The following CCSER1 variants were observed in gnomAD, a reference collection of about 807,000 sequenced individuals.
CCSER1 encodes serine-rich coiled-coil domain-containing protein 1.
Under a neutral mutation model 82.0 loss-of-function variants are expected in CCSER1, and 41 were observed. The ratio of observed to expected loss-of-function variants is 0.50; its 90% CI spans 0.39 to 0.65. The LOEUF is 0.65. Among genes scored for constraint, CCSER1 ranks in the 30% least tolerant of loss-of-function variants. The pLI is 0.00. For synonymous variants in CCSER1, 414 were observed against 383.9 expected, an observed-to-expected ratio of 1.08 and a Z score of -0.92; for missense variants, 1,119 against 1,064.2, an observed-to-expected ratio of 1.05 and a Z score of -0.72.
Position 91,456,795 on chromosome 4 carries a change from A to G in CCSER1, c.2218-141777A>G, listed in dbSNP as rs1044021795. Among the ~76,000 whole-genome samples the G allele has an allele frequency of 1.6e-4, 24 of 152,246 alleles. 1 individual carries two copies. The highest frequency in any genetic ancestry group is 5.5e-4 in the African/African-American group (23 of 41,564). ...AAGTTGGTCAGGAACCAGACCCACT[A>G]AAATACTAATACTGATATTTTTATT... On this transcript the variant is annotated intron_variant, in intron 10 of 10. Coordinates refer to ENST00000509176, the MANE Select transcript of CCSER1 (RefSeq NM_001145065.2).
intron 8 of CCSER1, among the ~76,000 whole-genome samples, chr4:90,883,763 T>C (rs1413289353): frequency 6.6e-6 from 1 of 152,184 alleles, no homozygotes; most frequent in Non-Finnish European, 1.5e-5. Flanking sequence ...TTGAAGCCAC[T>C]TCCTCTTTCA....
At chr4:90,192,233 G>C (rs777375934) in intron 1 of CCSER1, among the ~76,000 whole-genome samples, 12 of 151,880 alleles carry the variant, frequency 7.9e-5, no homozygotes, top group Non-Finnish European at 1.3e-4. Flanking sequence ...CCCCCTTACA[G>C]TAGCCATCAG....
chr4:91,594,631 C>T (rs1764471067), intron 10 of CCSER1, among the ~76,000 whole-genome samples: 1 of 151,816 alleles, frequency 6.6e-6, no homozygotes, highest in South Asian at 2.1e-4. Context: ...AAACATGTAG[C>T]ATAAAATAAA....
intron 6 of CCSER1, among the ~76,000 whole-genome samples, chr4:90,686,622 T>C (rs1362669017): frequency 6.6e-6 from 1 of 152,116 alleles, no homozygotes; most frequent in Admixed American, 6.6e-5. Flanking sequence ...AGCTTTAGCC[T>C]AAGCATAACT....
intron 10 of CCSER1, among the ~76,000 whole-genome samples, chr4:91,249,632 C>A (rs1581841937): frequency 6.6e-6 from 1 of 152,232 alleles, no homozygotes; most frequent in East Asian, 1.9e-4. Flanking sequence ...GTCTAGAAAT[C>A]TCTTCTTTTC....
chr4:90,755,266 TGCCA>T (rs1749319327), intron 7 of CCSER1, among the ~76,000 whole-genome samples: 1 of 152,132 alleles, frequency 6.6e-6, no homozygotes, highest in South Asian at 2.1e-4. Context: ...TAAGAGTCAG[TGCCA>T]GATATATGTG....
At chr4:90,486,166 C>T (rs1767018809) in intron 5 of CCSER1, among the ~76,000 whole-genome samples, 1 of 152,140 alleles carries the variant, frequency 6.6e-6, no homozygotes, top group Admixed American at 6.5e-5. Context: ...TACAGTGGTC[C>T]CCACTCCCAC....
chr4:90,489,795 G>C (rs946515126), intron 5 of CCSER1, among the ~76,000 whole-genome samples: 16 of 152,096 alleles, frequency 1.1e-4, no homozygotes, highest in Non-Finnish European at 1.5e-5. Flanking sequence ...CCTTGCGATA[G>C]TTTGCTGAGA....
intron 10 of CCSER1, among the ~76,000 whole-genome samples, chr4:91,094,397 T>C (rs1724287659): frequency 6.6e-6 from 1 of 152,142 alleles, no homozygotes; most frequent in Non-Finnish European, 1.5e-5. Context: ...GAACCAGCTG[T>C]CCTCAGCTGG....
chr4:90,132,077 C>CAT, intron 1 of CCSER1, among the ~76,000 whole-genome samples: 1 of 152,038 alleles, frequency 6.6e-6, no homozygotes, highest in East Asian at 1.9e-4. Context: ...AAAATATTTT[C>CAT]ATATATATAT....
chr4:90,691,526 T>G lies in CCSER1; in HGVS notation c.1933-32388T>G, dbSNP rs1476419940. Among the ~76,000 whole-genome samples the G allele has an allele frequency of 1.3e-4, 20 of 149,930 alleles. No homozygotes were observed. In the Admixed American group the frequency reaches 1.3e-3, roughly 10 times the overall value. On this transcript the variant is annotated intron_variant, in intron 6 of 10. Transcript: ENST00000509176. ...TGTGTATATATTACATGTGTACATA[T>G]CACACGTATAATACATGTGTACATA...
intron 10 of CCSER1, among the ~76,000 whole-genome samples, chr4:91,205,278 T>C (rs1736245522): frequency 6.6e-6 from 1 of 151,862 alleles, no homozygotes; most frequent in African/African-American, 2.4e-5. Context: ...ATTTAAGCTG[T>C]GTACTGTCTA....
intron 10 of CCSER1, among the ~76,000 whole-genome samples, chr4:91,498,922 C>G (rs984391584): frequency 6.6e-6 from 1 of 151,748 alleles, no homozygotes; most frequent in African/African-American, 2.4e-5. Context: ...TGTACAATAT[C>G]CATTGTACAT....
chr4:91,582,745 C>A (rs1763793581), intron 10 of CCSER1, among the ~76,000 whole-genome samples: 1 of 151,232 alleles, frequency 6.6e-6, no homozygotes, highest in Non-Finnish European at 1.5e-5. Flanking sequence ...ATCAATCAAT[C>A]TATCATCTCT....
chr4:90,435,364 AAAAAT>A (rs1758859640), intron 4 of CCSER1, among the ~76,000 whole-genome samples: 1 of 152,170 alleles, frequency 6.6e-6, no homozygotes, highest in Non-Finnish European at 1.5e-5. Context: ...TTAGTAAAAT[AAAAAT>A]AAAAGAAACA....
intron 5 of CCSER1, among the ~76,000 whole-genome samples, chr4:90,598,302 G>C (rs910567841): frequency 2.0e-5 from 3 of 151,584 alleles, no homozygotes; most frequent in African/African-American, 7.3e-5. Context: ...AAGTTTTAGG[G>C]TACATGTGCA....
In CCSER1 at chr4:91,302,037, A is replaced by G. The variant is rs187905185; in HGVS notation, c.2217+216043A>G. ...TTTCTTTCTTAAATGGTGCTCTGAC[A>G]CATATTGCTTAATAATAACTCAGTT... On this transcript the variant is annotated intron_variant, in intron 10 of 10. Coordinates refer to ENST00000509176, the MANE Select transcript of CCSER1 (RefSeq NM_001145065.2). Among the ~76,000 whole-genome samples the G allele has an allele frequency of 1.7e-4, 25 of 151,300 alleles. No individual in the cohort carries two copies. The East Asian group carries it at 4.5e-3, about 27-fold the overall frequency.
chr4:90,367,045 C>T (rs1171662406), intron 3 of CCSER1, among the ~76,000 whole-genome samples: 3 of 151,716 alleles, frequency 2.0e-5, no homozygotes, highest in African/African-American at 7.3e-5. Context: ...TACATGCGCT[C>T]ATTGGAATGA....
chr4:91,554,659 A>C (rs1762320459), intron 10 of CCSER1, among the ~76,000 whole-genome samples: 1 of 151,344 alleles, frequency 6.6e-6, no homozygotes, highest in Admixed American at 6.6e-5. Flanking sequence ...AGTCTCTATA[A>C]AAATTCCAAT....
Sources: gnomAD v4.1 joint callset for allele counts (sites outside exome capture counted in the v4.1 genomes callset) on GRCh38, gnomAD v4.1.1 for gene constraint, MANE v1.5 for transcripts, NCBI Gene and HGNC (gene_info 2026-07-23, HGNC 2026-07-21) for gene names.